Variants in RAP1GAP2 observed in about 807,000 individuals in gnomAD.
RAP1GAP2 encodes RAP1 GTPase activating protein 2.
In RAP1GAP2, 27 loss-of-function variants were observed where a neutral mutation model predicts 95.0. The ratio of observed to expected loss-of-function variants is 0.28; its 90% CI spans 0.21 to 0.39. The LOEUF is 0.39. RAP1GAP2 is among the 10% of genes least tolerant of loss of function. The pLI, the probability that RAP1GAP2 is intolerant of heterozygous loss-of-function variation, is 1.00. For missense variants in RAP1GAP2, 771 were observed against 970.0 expected, an observed-to-expected ratio of 0.79 and a Z score of 2.72; for synonymous variants, 373 against 380.9, an observed-to-expected ratio of 0.98 and a Z score of 0.24.
intron 4 of RAP1GAP2, chr17:2,962,414 C>T (rs2044373981): frequency 1.0e-5 from 5 of 480,168 alleles, no homozygotes; most frequent in Admixed American, 9.0e-5. Context: ...GGTCATCAGG[C>T]TGATAGGTGG....
upstream of RAP1GAP2, among the ~76,000 whole-genome samples, chr17:2,792,727 G>A (rs2068958002): frequency 6.6e-6 from 1 of 152,222 alleles, no homozygotes; most frequent in South Asian, 2.1e-4. Context: ...CAGGAGTGTT[G>A]TTTGTGGCTG....
intron 3 of RAP1GAP2, among the ~76,000 whole-genome samples, chr17:2,931,280 T>TG (rs2043143190): frequency 6.8e-6 from 1 of 146,666 alleles, no homozygotes; most frequent in African/African-American, 2.6e-5. Flanking sequence ...TGAGTGTTTC[T>TG]TGTGTGTGTG....
chr17:2,858,531 C>G (rs2072241154), intron 2 of RAP1GAP2, among the ~76,000 whole-genome samples: 1 of 152,172 alleles, frequency 6.6e-6, no homozygotes, highest in South Asian at 2.1e-4. Context: ...TACCAATGCA[C>G]TCCTCCACAA....
chr17:2,892,768 C>T (rs2073765284), intron 2 of RAP1GAP2, among the ~76,000 whole-genome samples: 1 of 152,128 alleles, frequency 6.6e-6, no homozygotes, highest in Non-Finnish European at 1.5e-5. Context: ...ACGTCTGTCT[C>T]ATTCTGTTGG....
At chr17:2,921,904 T>C (rs2042794702) in intron 3 of RAP1GAP2, among the ~76,000 whole-genome samples, 2 of 152,214 alleles carry the variant, frequency 1.3e-5, no homozygotes, top group Admixed American at 1.3e-4. Context: ...CTCTTCTCCC[T>C]GGGGGTCTCT....
chr17:2,948,283 C>T (rs1442733971), intron 3 of RAP1GAP2, among the ~76,000 whole-genome samples: 1 of 152,200 alleles, frequency 6.6e-6, no homozygotes, highest in Admixed American at 6.5e-5. Context: ...AACACACCCC[C>T]ACCTCCAGAA....
Position 2,995,415 on chromosome 17 carries a change from C to G in RAP1GAP2, c.993C>G (p.Ile331Met). The change falls in exon 13 of 25, where the codon ATC becomes ATG. Residue 331 changes from isoleucine to methionine, a missense_variant. Ile to Met is a conservative substitution (Grantham distance 10, BLOSUM62 1). Transcript: ENST00000254695. ...ACACAACATTCCGGGACAGGGAGATCATGTTTCACGTTTCCACAAAGCTGC... is the reference window on the plus strand; with the variant it reads ...ACACAACATTCCGGGACAGGGAGATGATGTTTCACGTTTCCACAAAGCTGC... ...SVYTTFRDRE[I>M]MFHVSTKLPF... is the part of the protein sequence containing the mutation. 6.2e-7 allele frequency: 1 copy of G among 1,613,970 alleles called. No homozygotes were observed.
intron 2 of RAP1GAP2, among the ~76,000 whole-genome samples, chr17:2,802,129 G>C (rs961642883): frequency 6.6e-6 from 1 of 152,144 alleles, no homozygotes; most frequent in African/African-American, 2.4e-5. Flanking sequence ...CCCTCCTTCC[G>C]AGGCAGCTTC....
intron 3 of RAP1GAP2, among the ~76,000 whole-genome samples, chr17:2,915,907 C>T (rs2042552728): frequency 1.3e-5 from 2 of 152,024 alleles, no homozygotes. Flanking sequence ...ACCACGTTGG[C>T]CAGGATGGTC....
At position 2,849,998 on chromosome 17, in the gene RAP1GAP2, G is replaced by GTTTTTTTTT. The variant is rs1363363543; in HGVS notation, c.80+49448_80+49449insTTTTTTTTT. ...GTGTCACTAACACCTAACACTGCCT[G>GTTTTTTTTT]CTTTTTTTTTTTTTTTTTTTGAGAT... On this transcript the variant is annotated intron_variant, in intron 2 of 24. Transcript: ENST00000254695. 3.7e-5 allele frequency among the ~76,000 whole-genome samples: 5 copies of GTTTTTTTTT among 136,130 alleles called. 1 individual carries two copies. The highest frequency in any genetic ancestry group is 2.7e-5 in the African/African-American group (1 of 36,742). The allele number at this position is 136,130 out of a possible 152,430, so 89.3% of individuals were successfully genotyped here. A position where few individuals can be genotyped will look rare whatever the true frequency, so the allele number is the denominator to read the frequency against.
At chr17:2,983,039 G>GA (rs1421025615) in intron 10 of RAP1GAP2, among the ~76,000 whole-genome samples, 1 of 152,200 alleles carries the variant, frequency 6.6e-6, no homozygotes, top group Non-Finnish European at 1.5e-5. Flanking sequence ...GAGGCTCCAG[G>GA]GTCGGGCAGC....
chr17:2,828,302 T>G (rs910348985), intron 2 of RAP1GAP2, among the ~76,000 whole-genome samples: 1 of 151,580 alleles, frequency 6.6e-6, no homozygotes, highest in Non-Finnish European at 1.5e-5. Context: ...GATCGCGCCA[T>G]TGCACTCCAA....
chr17:2,767,542 C>T (rs531618660), intron 1 of RAP1GAP2, among the ~76,000 whole-genome samples: 152 of 151,814 alleles, frequency 1.0e-3, no homozygotes, highest in African/African-American at 3.5e-3. Context: ...TAAAGATAAG[C>T]GAGTATGAAT....
chr17:2,963,534 G>C lies in RAP1GAP2; in HGVS notation c.279+72G>C. ...GTCCCGTCCCTGGGGAAATGATGGC[G>C]ATGGCCTGTGCCCAGCCCCCCAGGG... On this transcript the variant is annotated intron_variant, in intron 6 of 24. Transcript: ENST00000254695. The surrounding 1 kb of genome is among the most constrained non-coding windows in gnomAD (Gnocchi z 4.8). The C allele has an allele frequency of 6.3e-7, 1 of 1,589,282 alleles. No homozygotes were observed. Among genetic ancestry groups the C allele is most frequent in the East Asian group, 2.2e-5 (1 of 44,774 alleles).
chr17:2,991,288 C>T lies in RAP1GAP2; in HGVS notation c.814-9C>T, dbSNP rs1255107220. The stretch of plus-strand genomic sequence containing the variant: ...CTAATTCCTGCCCTTATTCCTGTTT[C>T]TCTTTCAGACCCTGGAGGAGGAGCT... On this transcript the variant is annotated splice_polypyrimidine_tract_variant and intron_variant, in intron 11 of 24. Coordinates refer to ENST00000254695, the MANE Select transcript of RAP1GAP2 (RefSeq NM_015085.5). 4 of 1,582,400 alleles carry T rather than the reference C, an allele frequency of 2.5e-6. No homozygotes were observed. The Middle Eastern group carries it at 5.0e-4, about 197-fold the overall frequency.
intron 2 of RAP1GAP2, among the ~76,000 whole-genome samples, chr17:2,831,379 C>T (rs78919423): frequency 0.11 from 17,278 of 151,206 alleles, 1,532 homozygotes; most frequent in African/African-American, 0.25. Context: ...GCCCAGCCTC[C>T]TATTTCTTTT....
chr17:2,995,227 T>C, intron 12 of RAP1GAP2, 110 bp from the exon 13 acceptor site: 1 of 1,355,176 alleles, frequency 7.4e-7, no homozygotes, highest in South Asian at 1.3e-5. Flanking sequence ...AGCTCTCCTG[T>C]CTCCTCTGCT....
At chr17:3,020,451 A>C (rs1179988838) in intron 18 of RAP1GAP2, 26 bp from the exon 19 acceptor site, 1 of 1,586,290 alleles carries the variant, frequency 6.3e-7, no homozygotes, top group South Asian at 1.1e-5. Context: ...GGCCGGGAGC[A>C]CTCATTTTGG....
chr17:3,021,811 A>C (rs2046972235), intron 19 of RAP1GAP2, among the ~76,000 whole-genome samples: 1 of 152,248 alleles, frequency 6.6e-6, no homozygotes, highest in African/African-American at 2.4e-5. Flanking sequence ...TGCAAATGAC[A>C]GGATTACATT....
Sources: allele counts gnomAD v4.1 joint callset (sites outside exome capture counted in the v4.1 genomes callset), GRCh38; gene constraint gnomAD v4.1.1; non-coding constraint Gnocchi (gnomAD v3.1); transcripts MANE v1.5; gene names NCBI Gene and HGNC (gene_info 2026-07-23, HGNC 2026-07-21).